The following NCOA2 variants were observed in gnomAD, a reference collection of about 807,000 sequenced individuals.
The protein encoded by NCOA2 is nuclear receptor coactivator 2, also known as class E basic helix-loop-helix protein 75.
A neutral mutation model predicts 145.1 loss-of-function variants in NCOA2; 21 were observed. The observed-to-expected ratio is 0.14, with a 90% CI of 0.10 to 0.21. NCOA2 has a LOEUF of 0.21. Ranked by LOEUF, NCOA2 falls within the 10% of genes least tolerant of loss-of-function variation. The probability of loss-of-function intolerance (pLI) is 1.00; values close to 1 mark genes in which losing one functional copy is unlikely to be tolerated. For missense variants in NCOA2, 1,472 were observed against 1,837.6 expected, an observed-to-expected ratio of 0.80 and a Z score of 3.64; for synonymous variants, 619 against 637.5, an observed-to-expected ratio of 0.97 and a Z score of 0.44.
At chr8:70,204,923 G>A (rs1341044354) in intron 4 of NCOA2, among the ~76,000 whole-genome samples, 1 of 152,118 alleles carries the variant, frequency 6.6e-6, no homozygotes, top group Non-Finnish European at 1.5e-5. Context: ...CACAAGAATC[G>A]CTTGAACCCG....
chr8:70,258,416 C>A (rs1412940302), intron 2 of NCOA2, among the ~76,000 whole-genome samples: 1 of 152,114 alleles, frequency 6.6e-6, no homozygotes. Context: ...CTAAATGTAC[C>A]CAAAATTGAA....
Position 70,330,430 on chromosome 8 carries a change from G to C in NCOA2, c.-76-33630C>G, listed in dbSNP as rs570107017. Among the ~76,000 whole-genome samples, 5 of 151,974 alleles carry C rather than the reference G, an allele frequency of 3.3e-5. No individual in the cohort carries two copies. The East Asian group carries it at 9.7e-4, about 29-fold the overall frequency. ...TACAAAAAATAAAAAGATAAGCCGG[G>C]CATGGTGGCACACACCTGCAGTCCC... On this transcript the variant is annotated intron_variant, in intron 1 of 22. Transcript: ENST00000452400.
At chr8:70,392,898 C>T (rs1813333997) in intron 1 of NCOA2, among the ~76,000 whole-genome samples, 1 of 152,188 alleles carries the variant, frequency 6.6e-6, no homozygotes, top group Non-Finnish European at 1.5e-5. Flanking sequence ...GGTTAGAGGA[C>T]TGCCTTAAAG....
chr8:70,345,040 C>G (rs1808493873), intron 1 of NCOA2, among the ~76,000 whole-genome samples: 1 of 152,154 alleles, frequency 6.6e-6, no homozygotes, highest in African/African-American at 2.4e-5. Context: ...TTAAGCCTGT[C>G]ATGCTATGTA....
intron 1 of NCOA2, among the ~76,000 whole-genome samples, chr8:70,343,867 T>C (rs988136107): frequency 1.3e-5 from 2 of 151,402 alleles, no homozygotes; most frequent in Admixed American, 6.6e-5. Context: ...TGGGAAAACA[T>C]AATCTTTCTA....
chr8:70,330,124 AT>A (rs199837873), intron 1 of NCOA2, among the ~76,000 whole-genome samples: 28 of 151,346 alleles, frequency 1.9e-4, no homozygotes, highest in Non-Finnish European at 1.2e-4. Flanking sequence ...ATCTAAACCT[AT>A]TTTTTTTTCC....
the NCOA2 span, among the ~76,000 whole-genome samples, chr8:70,442,153 A>AAGAAAGAAAGAAAGAAAGAAAGAAAG: frequency 7.1e-6 from 1 of 140,884 alleles, no homozygotes; most frequent in Admixed American, 6.8e-5. Context: ...GAAAGAAAGA[A>AAGAAAGAAAGAAAGAAAGAAAGAAAG]AGAAAGAAAG....
intron 1 of NCOA2, among the ~76,000 whole-genome samples, chr8:70,312,447 A>G (rs1488049685): frequency 6.6e-6 from 1 of 152,202 alleles, no homozygotes; most frequent in Non-Finnish European, 1.5e-5. Flanking sequence ...ATATTTGTAG[A>G]TTAATAATGC....
intron 9 of NCOA2, among the ~76,000 whole-genome samples, chr8:70,160,897 A>C (rs1812920049): frequency 6.6e-6 from 1 of 152,194 alleles, no homozygotes; most frequent in Non-Finnish European, 1.5e-5. Flanking sequence ...GCTTTGCACA[A>C]AGTGTCTAAA....
chr8:70,353,575 A>G (rs1421410682), intron 1 of NCOA2, among the ~76,000 whole-genome samples: 1 of 151,422 alleles, frequency 6.6e-6, no homozygotes, highest in Admixed American at 6.6e-5. Context: ...TAGAAAGTTA[A>G]GTGATTTGGC....
chr8:70,321,927 G>A (rs964516383), intron 1 of NCOA2, among the ~76,000 whole-genome samples: 1 of 149,988 alleles, frequency 6.7e-6, no homozygotes, highest in African/African-American at 2.5e-5. Context: ...TCAGGAGTTC[G>A]AGACCAGCCA....
At chr8:70,241,794 T>A (rs1019300648) in intron 2 of NCOA2, among the ~76,000 whole-genome samples, 1 of 152,198 alleles carries the variant, frequency 6.6e-6, no homozygotes, top group Non-Finnish European at 1.5e-5. Flanking sequence ...AATTAATATA[T>A]GTAAGGTCCA....
chr8:70,261,098 C>G (rs1024729900), intron 2 of NCOA2, among the ~76,000 whole-genome samples: 2 of 152,240 alleles, frequency 1.3e-5, no homozygotes, highest in African/African-American at 4.8e-5. Flanking sequence ...CATCCCATTA[C>G]TGGGCATATA....
chr8:70,385,411 T>C (rs540305282), intron 1 of NCOA2, among the ~76,000 whole-genome samples: 5 of 152,306 alleles, frequency 3.3e-5, no homozygotes, highest in African/African-American at 1.2e-4. Context: ...ACAAATACTC[T>C]TGTATTCAAG....
chr8:70,376,428 C>G (rs1811674623), intron 1 of NCOA2, among the ~76,000 whole-genome samples: 1 of 152,144 alleles, frequency 6.6e-6, no homozygotes, highest in Non-Finnish European at 1.5e-5. Flanking sequence ...CTTGCCTAAA[C>G]TCTGTGCAAT....
intron 4 of NCOA2, among the ~76,000 whole-genome samples, chr8:70,198,266 C>A (rs145959928): frequency 1.3e-5 from 2 of 152,270 alleles, no homozygotes; most frequent in African/African-American, 4.8e-5. Flanking sequence ...TTAAACTACA[C>A]TACAAGCCAA....
At chr8:70,448,276 C>T in the NCOA2 span, among the ~76,000 whole-genome samples, 1 of 152,094 alleles carries the variant, frequency 6.6e-6, no homozygotes, top group Non-Finnish European at 1.5e-5. Flanking sequence ...TATCTTGCTT[C>T]TGTGAGAAAG....
At chr8:70,284,192 T>C (rs553099759) in intron 2 of NCOA2, among the ~76,000 whole-genome samples, 1 of 152,306 alleles carries the variant, frequency 6.6e-6, no homozygotes, top group Non-Finnish European at 1.5e-5. Context: ...TTTATAACTC[T>C]TTTTAGATTC....
intron 16 of NCOA2, among the ~76,000 whole-genome samples, 200 bp downstream of exon 16, chr8:70,131,637 T>G (rs1044498484): frequency 6.6e-6 from 1 of 152,180 alleles, no homozygotes. Context: ...TCATTTTCAG[T>G]GCTCTCCATT....
Sources: allele counts gnomAD v4.1 joint callset (sites outside exome capture counted in the v4.1 genomes callset), GRCh38; gene constraint gnomAD v4.1.1; transcripts MANE v1.5; gene names NCBI Gene and HGNC (gene_info 2026-07-23, HGNC 2026-07-21).